CEP70: variants seen among roughly 807,000 people sequenced by gnomAD.
The protein encoded by CEP70 is centrosomal protein of 70 kDa.
CEP70 carries 70 observed loss-of-function variants against 90.9 expected under a neutral mutation model. The ratio of observed to expected loss-of-function variants is 0.77; its 90% CI spans 0.64 to 0.94. The LOEUF (loss-of-function observed/expected upper bound fraction) is 0.94, where lower values mean the gene tolerates loss of function less well. Among genes scored for constraint, CEP70 ranks in the 40% least tolerant of loss-of-function variants. The pLI is 0.00. For missense variants in CEP70, 648 were observed against 669.0 expected (o/e 0.97, Z 0.35); for synonymous variants, 220 against 228.3 (o/e 0.96, Z 0.33).
At chr3:138,535,831 C>G (rs1170847387) in intron 7 of CEP70, among the ~76,000 whole-genome samples, 1 of 152,044 alleles carries the variant, frequency 6.6e-6, no homozygotes, top group Non-Finnish European at 1.5e-5. Context: ...TCTCCCTCAC[C>G]TCTCTCCTTT....
chr3:138,585,447 T>C lies in CEP70; in HGVS notation c.-6+6407A>G, dbSNP rs1576952487. On this transcript the variant is annotated intron_variant, in intron 2 of 17. Transcript: ENST00000264982. Reference sequence around the variant, plus strand: ...TGTTCATAGATTGAAACAATCAATATTGTTAAAATATCTATATTACTCAAA... The same window carrying C: ...TGTTCATAGATTGAAACAATCAATACTGTTAAAATATCTATATTACTCAAA... Among the ~76,000 whole-genome samples, 5 of 152,310 alleles carry C rather than the reference T, an allele frequency of 3.3e-5. No individual in the cohort carries two copies. In the East Asian group the frequency reaches 7.7e-4, roughly 23 times the overall value.
At chr3:138,575,962 G>A (rs1374225949) in intron 2 of CEP70, among the ~76,000 whole-genome samples, 1 of 152,100 alleles carries the variant, frequency 6.6e-6, no homozygotes, top group African/African-American at 2.4e-5. Flanking sequence ...CACTAAACAT[G>A]GAAAGGAACA....
intron 3 of CEP70, 25 bp from the exon 4 acceptor site, chr3:138,571,381 G>T: frequency 6.8e-7 from 1 of 1,461,498 alleles, no homozygotes; most frequent in Non-Finnish European, 9.5e-7. Context: ...AGAGAAGAAA[G>T]GGTTAACTTT....
At chr3:138,511,205 T>C (rs2035506969) in intron 11 of CEP70, among the ~76,000 whole-genome samples, 1 of 152,186 alleles carries the variant, frequency 6.6e-6, no homozygotes, top group African/African-American at 2.4e-5. Flanking sequence ...ACTCCTTTCT[T>C]ACTTGATTCT....
intron 6 of CEP70, among the ~76,000 whole-genome samples, chr3:138,537,548 G>T (rs2038389134): frequency 6.6e-6 from 1 of 152,008 alleles, no homozygotes; most frequent in Non-Finnish European, 1.5e-5. Context: ...AAGTCAAATA[G>T]CTATAAAATG....
At chr3:138,574,366 C>T (rs1458165497) in intron 2 of CEP70, among the ~76,000 whole-genome samples, 1 of 152,220 alleles carries the variant, frequency 6.6e-6, no homozygotes, top group African/African-American at 2.4e-5. Context: ...GATTGAACTG[C>T]AAGGTGGCAG....
At chr3:138,570,767 A>C (rs1354128769) in intron 5 of CEP70, among the ~76,000 whole-genome samples, 2 of 152,196 alleles carry the variant, frequency 1.3e-5, no homozygotes, top group Non-Finnish European at 2.9e-5. Flanking sequence ...TTGGTGCTCA[A>C]AAAGTTTCAA....
chr3:138,577,247 C>T (rs547502600), intron 2 of CEP70, among the ~76,000 whole-genome samples: 41 of 152,190 alleles, frequency 2.7e-4, no homozygotes, highest in Admixed American at 1.3e-3. Context: ...CTAATGTAAA[C>T]GACGAGTTAA....
intron 12 of CEP70, 134 bp from the exon 13 acceptor site, chr3:138,505,599 A>G (rs753778280): frequency 6.7e-5 from 34 of 510,194 alleles, no homozygotes; most frequent in Non-Finnish European, 9.2e-5. Flanking sequence ...AAATTATCAT[A>G]AGGAATTGGC....
intron 6 of CEP70, among the ~76,000 whole-genome samples, chr3:138,552,228 G>A (rs2039672085): frequency 6.6e-6 from 1 of 152,032 alleles, no homozygotes; most frequent in Non-Finnish European, 1.5e-5. Context: ...ATAATAGTGG[G>A]GGACTTCAAT....
chr3:138,529,305 G>T lies in CEP70; in HGVS notation c.781-18C>A. On this transcript the variant is annotated intron_variant, in intron 9 of 17. Coordinates refer to ENST00000264982, the MANE Select transcript of CEP70 (RefSeq NM_024491.4). ...TGTAATGACTGCAACACATTTCATAGAAAAATAATTAACTTTCTTAGATTA... is the reference window on the plus strand; with the variant it reads ...TGTAATGACTGCAACACATTTCATATAAAAATAATTAACTTTCTTAGATTA... The T allele has an allele frequency of 6.3e-7, 1 of 1,577,004 alleles. No individual in the cohort carries two copies. The highest frequency in any genetic ancestry group is 8.7e-7 in the Non-Finnish European group (1 of 1,155,980).
At chr3:138,581,977 T>G (rs1367453221) in intron 2 of CEP70, among the ~76,000 whole-genome samples, 1 of 152,096 alleles carries the variant, frequency 6.6e-6, no homozygotes, top group Non-Finnish European at 1.5e-5. Context: ...ATATTTAAAA[T>G]GCTGAAGCAA....
chr3:138,523,508 A>G (rs1430323766), intron 11 of CEP70, among the ~76,000 whole-genome samples: 1 of 152,174 alleles, frequency 6.6e-6, no homozygotes, highest in Non-Finnish European at 1.5e-5. Context: ...CCTTAAGCTG[A>G]TAGGCAACTT....
At position 138,571,030 on chromosome 3, in the gene CEP70, T is replaced by C; in HGVS notation, c.284+4A>G. The C allele has an allele frequency of 6.5e-7, 1 of 1,529,646 alleles. No individual in the cohort carries two copies. Among genetic ancestry groups the C allele is most frequent in the Non-Finnish European group, 8.8e-7 (1 of 1,141,854 alleles). 94.8% of individuals were successfully genotyped at this position (1,529,646 alleles called of 1,614,324 possible). A position where few individuals can be genotyped will look rare whatever the true frequency, so the allele number is the denominator to read the frequency against. On this transcript the variant is annotated splice_donor_region_variant and intron_variant, in intron 5 of 17. Transcript: ENST00000264982. ...TTCAAAAGAAATCTTTTCCATTTTC[T>C]CACCTAAGCTGTTGATTAGTTTCTA...
intron 6 of CEP70, 44 bp from the exon 7 acceptor site, chr3:138,537,391 AG>A (rs774375738): frequency 4.6e-6 from 6 of 1,311,654 alleles, no homozygotes; most frequent in Non-Finnish European, 6.2e-6. Context: ...ATGTACATCT[AG>A]GACATGCTAT....
intron 6 of CEP70, among the ~76,000 whole-genome samples, chr3:138,553,364 C>G (rs2039762243): frequency 6.6e-6 from 1 of 151,976 alleles, no homozygotes; most frequent in Non-Finnish European, 1.5e-5. Context: ...CCTATAGTCC[C>G]AGCTACTTGG....
intron 6 of CEP70, among the ~76,000 whole-genome samples, chr3:138,538,047 T>A (rs2038434771): frequency 6.6e-6 from 1 of 152,044 alleles, no homozygotes; most frequent in Non-Finnish European, 1.5e-5. Flanking sequence ...TGTGGAAAAT[T>A]TTCCCCAGAC....
At chr3:138,557,831 A>G (rs2040128935) in intron 6 of CEP70, among the ~76,000 whole-genome samples, 2 of 152,222 alleles carry the variant, frequency 1.3e-5, no homozygotes. Context: ...GAAATAAGAC[A>G]TAACAGATCA....
chr3:138,539,052 G>A (rs760238696), intron 6 of CEP70, among the ~76,000 whole-genome samples: 2 of 152,006 alleles, frequency 1.3e-5, no homozygotes, highest in African/African-American at 4.8e-5. Context: ...TCTCACTGTC[G>A]CCCAGGCTGG....
Sources: allele counts gnomAD v4.1 joint callset (sites outside exome capture counted in the v4.1 genomes callset), GRCh38; gene constraint gnomAD v4.1.1; transcripts MANE v1.5; gene names NCBI Gene and HGNC (gene_info 2026-07-23, HGNC 2026-07-21).